ALDOB: variants seen among roughly 807,000 people sequenced by gnomAD.
ALDOB encodes the protein fructose-bisphosphate aldolase B.
A neutral mutation model predicts 41.0 loss-of-function variants in ALDOB; 39 were observed. That is an observed-to-expected ratio of 0.95 (90% CI 0.74 to 1.24). ALDOB has a LOEUF of 1.24. Among genes scored for constraint, ALDOB ranks in the 50% most tolerant of loss-of-function variants. The pLI is 0.00. For missense variants in ALDOB, 530 were observed against 457.3 expected (o/e 1.16, Z -1.45); for synonymous variants, 175 against 168.8 (o/e 1.04, Z -0.28).
intron 5 of ALDOB, 78 bp from the exon 6 acceptor site, chr9:101,426,716 G>T (rs1196966455): frequency 1.9e-5 from 17 of 886,682 alleles, no homozygotes; most frequent in Non-Finnish European, 2.9e-5. Context: ...TTCAACAGTT[G>T]CAATTGGTAT....
Position 101,424,931 on chromosome 9 carries a change from C to G in ALDOB, c.911G>C (p.Arg304Pro), listed in dbSNP as rs145078268. Residue 304 changes from arginine to proline, a missense_variant, in exon 8 of 9, where the codon CGG (arginine) becomes CCG (proline). Physicochemically the swap from Arg to Pro is moderately radical, Grantham distance 103. Coordinates refer to ENST00000647789, the MANE Select transcript of ALDOB (RefSeq NM_000035.4). Reference sequence around the variant, plus strand: ...AGCCAGTGCACTGGCCTGCAGGGCCCGTCCATAAGAGAAACTTAGTTTCCA... The same window carrying G: ...AGCCAGTGCACTGGCCTGCAGGGCCGGTCCATAAGAGAAACTTAGTTTCCA... The part of the protein sequence containing the change: ...KPWKLSFSYG[R>P]ALQASALAAW... 1.2e-6 allele frequency: 2 copies of G among 1,614,018 alleles called. No homozygotes were observed.
At chr9:101,428,432 C>T (rs180690026) in intron 4 of ALDOB, 37 bp downstream of exon 4, 16 of 1,590,628 alleles carry the variant, frequency 1.0e-5, no homozygotes, top group Admixed American at 6.7e-5. Context: ...TTCTAGCTTA[C>T]ACTGGCATGA....
intron 3 of ALDOB, 53 bp downstream of exon 3, chr9:101,429,702 C>A: frequency 6.5e-7 from 1 of 1,544,438 alleles, no homozygotes; most frequent in Admixed American, 1.7e-5. Context: ...TGCCAGTGTG[C>A]TTGGAGTTTG....
chr9:101,427,452 C>CT (rs1196113741), intron 5 of ALDOB, 30 bp downstream of exon 5: 1 of 1,613,814 alleles, frequency 6.2e-7, no homozygotes, highest in African/African-American at 1.3e-5. Flanking sequence ...CTAGCCTACT[C>CT]TTTTTCAGCC....
At chr9:101,427,712 G>A (rs902702173) in intron 4 of ALDOB, 70 bp from the exon 5 acceptor site, 3 of 1,588,908 alleles carry the variant, frequency 1.9e-6, no homozygotes, top group African/African-American at 2.7e-5. Context: ...TCTAATAAAG[G>A]GAAGGAGTTC....
Position 101,421,702 on chromosome 9 carries a change from C to T in ALDOB, c.*107G>A. The T allele has an allele frequency of 1.2e-6, 1 of 857,596 alleles. No individual in the cohort carries two copies. Among genetic ancestry groups the T allele is most frequent in the Non-Finnish European group, 2.0e-6 (1 of 506,310 alleles). 53.1% of individuals were successfully genotyped at this position (857,596 alleles called of 1,614,324 possible). A position where few individuals can be genotyped will look rare whatever the true frequency, so the allele number is the denominator to read the frequency against. Reference sequence around the variant, plus strand: ...TAAGATTTAACATGTGTTGTATTTCCAGCAGTTCAAATCTAATTGTGTCGA... The same window carrying T: ...TAAGATTTAACATGTGTTGTATTTCTAGCAGTTCAAATCTAATTGTGTCGA... On this transcript the variant is annotated 3_prime_UTR_variant, in exon 9 of 9. Coordinates refer to ENST00000647789, the MANE Select transcript of ALDOB (RefSeq NM_000035.4).
Position 101,423,105 on chromosome 9 carries a change from G to A in ALDOB, c.1000-1201C>T, listed in dbSNP as rs118120914. Among the ~76,000 whole-genome samples, 42 of 152,254 alleles carry A rather than the reference G, an allele frequency of 2.8e-4. No individual in the cohort carries two copies. In the East Asian group the frequency reaches 7.2e-3, roughly 26 times the overall value. On this transcript the variant is annotated intron_variant, in intron 8 of 8. Coordinates refer to ENST00000647789, the MANE Select transcript of ALDOB (RefSeq NM_000035.4). Reference sequence around the variant, plus strand: ...CCACACAGCAGCACTGCTGCACCCTGCTTTCCACAGTCAAGGTAAAGCACT... The same window carrying A: ...CCACACAGCAGCACTGCTGCACCCTACTTTCCACAGTCAAGGTAAAGCACT...
chr9:101,431,090 A>C (rs989061709), intron 1 of ALDOB, among the ~76,000 whole-genome samples, 193 bp from the exon 2 acceptor site: 5 of 152,240 alleles, frequency 3.3e-5, no homozygotes, highest in African/African-American at 1.2e-4. Context: ...GCAATGAATG[A>C]AGGTGGGTTA....
Position 101,425,573 on chromosome 9 carries a change from T to A in ALDOB, c.679A>T (p.Thr227Ser), listed in dbSNP as rs766027880. ...GTCACCATGTTGGGCTTTAGCAGGG[T>A]GCCCTCCAGGTAAACATGATGGTCA... Reference protein sequence around the residue: ...LNDHHVYLEGTLLKPNMVTAG... With the variant: ...LNDHHVYLEGSLLKPNMVTAG... Residue 227 changes from threonine to serine, a missense_variant, in exon 7 of 9, where the codon ACC (threonine) becomes TCC (serine). Coordinates refer to ENST00000647789, the MANE Select transcript of ALDOB (RefSeq NM_000035.4). 1.9e-6 allele frequency: 3 copies of A among 1,614,044 alleles called. No homozygotes were observed. The Admixed American group carries it at 5.0e-5, about 27-fold the overall frequency.
chr9:101,425,390 A>G (rs549697821), intron 7 of ALDOB, 63 bp downstream of exon 7: 2 of 1,581,296 alleles, frequency 1.3e-6, no homozygotes, highest in East Asian at 2.2e-5. Flanking sequence ...ACAAACAGAA[A>G]GCTTGTGGCT....
intron 7 of ALDOB, 135 bp downstream of exon 7, chr9:101,425,318 A>G: frequency 9.2e-7 from 1 of 1,084,884 alleles, no homozygotes; most frequent in East Asian, 2.5e-5. Context: ...AAGTGGGAGA[A>G]GAAGTGCTGG....
chr9:101,427,534 G>A lies in ALDOB; in HGVS notation c.488C>T (p.Ala163Val), dbSNP rs202210810. The A allele has an allele frequency of 1.2e-4, 197 of 1,614,046 alleles. No homozygotes were observed. Among genetic ancestry groups the A allele is most frequent in the Non-Finnish European group, 1.2e-4 (142 of 1,180,026 alleles). ...CAGGGCGTTGGCGTTTTCCTGGATA[G>A]CGAGGCTGGATGGACACTGGTCGGC... ...RIADQCPSSL[A>V]IQENANALAR... The change falls in exon 5 of 9, where the codon GCT becomes GTT. Residue 163 changes from alanine to valine, a missense_variant. By Grantham distance (64) the Ala-to-Val change is moderately conservative. Transcript: ENST00000647789.
chr9:101,435,284 T>C (rs1284693665), intron 1 of ALDOB, among the ~76,000 whole-genome samples: 1 of 152,082 alleles, frequency 6.6e-6, no homozygotes, highest in Non-Finnish European at 1.5e-5. Flanking sequence ...ATGTAGAAAA[T>C]GACATAAGGC....
In ALDOB at chr9:101,428,457, C is replaced by A. The variant is rs200612665; in HGVS notation, c.379+12G>T. ...CACTGGCATGATTCATCTCAGTGGG[C>A]AATATCCTTACCTTGAATGGTGGTT... On this transcript the variant is annotated intron_variant, in intron 4 of 8. Coordinates refer to ENST00000647789, the MANE Select transcript of ALDOB (RefSeq NM_000035.4). The A allele has an allele frequency of 2.4e-5, 38 of 1,612,346 alleles. No homozygotes were observed. Among genetic ancestry groups the A allele is most frequent in the Admixed American group, 3.3e-5 (2 of 59,990 alleles).
At chr9:101,427,350 T>G in intron 5 of ALDOB, 132 bp downstream of exon 5, 2 of 1,203,936 alleles carry the variant, frequency 1.7e-6, no homozygotes, top group Non-Finnish European at 2.3e-6. Flanking sequence ...TAGCAAAAGT[T>G]GTGAAAAATG....
chr9:101,427,206 G>A (rs961193105), intron 5 of ALDOB, among the ~76,000 whole-genome samples: 1 of 152,120 alleles, frequency 6.6e-6, no homozygotes. Flanking sequence ...GCCCTCAAAA[G>A]CCCGATCACT....
rs4577 is a variant in ALDOB at position 101,421,740 on chromosome 9, G to A, written c.*69C>T. The stretch of plus-strand genomic sequence containing the variant: ...CTAATTGTGTCGAATTTCCAGGATT[G>A]GAGGAAAAGTTGCTCCCTTTCAGCC... On this transcript the variant is annotated 3_prime_UTR_variant, in exon 9 of 9. Transcript: ENST00000647789. 0.42 allele frequency: 523,556 copies of A among 1,232,772 alleles called. 113,899 individuals carry two copies. The highest frequency in any genetic ancestry group is 0.57 in the Admixed American group (32,411 of 56,496). The allele number at this position is 1,232,772 out of a possible 1,614,324, so 76.4% of individuals were successfully genotyped here. A position where few individuals can be genotyped will look rare whatever the true frequency, so the allele number is the denominator to read the frequency against.
rs776049598 is a variant in ALDOB, at chr9:101,431,552, G to A, written c.-10-655C>T. On this transcript the variant is annotated intron_variant, in intron 1 of 8. Coordinates refer to ENST00000647789, the MANE Select transcript of ALDOB (RefSeq NM_000035.4). ...GGCTTGGGTTTCTCACTGCCTATGA[G>A]GATGCTAAAGTTGTATGGCAGTCCC... Among the ~76,000 whole-genome samples the A allele has an allele frequency of 1.1e-3, 169 of 152,272 alleles. 4 individuals are homozygous for A. The Middle Eastern group carries it at 0.014, about 12-fold the overall frequency.
intron 7 of ALDOB, among the ~76,000 whole-genome samples, 165 bp downstream of exon 7, chr9:101,425,288 T>C (rs1387849244): frequency 6.6e-6 from 1 of 152,130 alleles, no homozygotes; most frequent in Admixed American, 6.6e-5. Flanking sequence ...TTGGGCAGAC[T>C]TGGGATGCTT....
Sources: allele counts gnomAD v4.1 joint callset (sites outside exome capture counted in the v4.1 genomes callset), GRCh38; gene constraint gnomAD v4.1.1; transcripts MANE v1.5; gene names NCBI Gene and HGNC (gene_info 2026-07-23, HGNC 2026-07-21).